The following TRPC1 variants were observed in gnomAD, a reference collection of about 807,000 sequenced individuals.
TRPC1 encodes the protein short transient receptor potential channel 1.
A neutral mutation model predicts 88.2 loss-of-function variants in TRPC1; 42 were observed. That is an observed-to-expected ratio of 0.48 (90% CI 0.37 to 0.62). The LOEUF is 0.62. Among genes scored for constraint, TRPC1 ranks in the 20% least tolerant of loss-of-function variants. The pLI is 0.00. For synonymous variants in TRPC1, 288 were observed against 331.8 expected (o/e 0.87, Z 1.43); for missense variants, 699 against 957.3 (o/e 0.73, Z 3.56).
At chr3:142,788,780 A>C (rs564152707) in intron 7 of TRPC1, among the ~76,000 whole-genome samples, 1 of 152,068 alleles carries the variant, frequency 6.6e-6, no homozygotes, top group Admixed American at 6.6e-5. Flanking sequence ...AAAATATAGA[A>C]TGTTGGTTAT....
chr3:142,781,272 T>C (rs561753067), intron 6 of TRPC1, among the ~76,000 whole-genome samples: 9 of 152,278 alleles, frequency 5.9e-5, no homozygotes, highest in African/African-American at 2.2e-4. Context: ...AAATGGTAGT[T>C]TTTATTATTT....
intron 9 of TRPC1, among the ~76,000 whole-genome samples, chr3:142,799,584 T>C (rs1192232618): frequency 1.3e-5 from 2 of 152,008 alleles, no homozygotes; most frequent in Admixed American, 6.6e-5. Context: ...GGCGGGAGGA[T>C]AGCTTGAGGC....
rs1175917706 is a variant in TRPC1, at chr3:142,724,982, G to C, written c.172+251G>C. On this transcript the variant is annotated intron_variant, in intron 1 of 12. Coordinates refer to ENST00000476941, the MANE Select transcript of TRPC1 (RefSeq NM_001251845.2). The surrounding 1 kb of genome is among the most constrained non-coding windows in gnomAD (Gnocchi z 5.6). ...GGGGGTGGCTCTGGCCTTGGGGTCC[G>C]GGGTTTAGGTAGCGCCTTGGGAGCC... 4.6e-5 allele frequency among the ~76,000 whole-genome samples: 7 copies of C among 152,294 alleles called. No homozygotes were observed. Among genetic ancestry groups the C allele is most frequent in the African/African-American group, 1.7e-4 (7 of 41,564 alleles).
At chr3:142,794,452 G>GA (rs893705264) in intron 9 of TRPC1, among the ~76,000 whole-genome samples, 2 of 151,814 alleles carry the variant, frequency 1.3e-5, no homozygotes, top group East Asian at 3.9e-4. Context: ...AATCAAAAAG[G>GA]AAAAAAGAAC....
chr3:142,752,947 C>G (rs1934828327), intron 4 of TRPC1, among the ~76,000 whole-genome samples: 1 of 152,162 alleles, frequency 6.6e-6, no homozygotes, highest in Non-Finnish European at 1.5e-5. Flanking sequence ...TGGGGCAAAG[C>G]TACAAATTAA....
At chr3:142,725,174 A>G (rs1577932615) in intron 1 of TRPC1, among the ~76,000 whole-genome samples, 1 of 152,178 alleles carries the variant, frequency 6.6e-6, no homozygotes, top group East Asian at 1.9e-4. Flanking sequence ...GAGGGTTCTC[A>G]TCACCTGGTT....
intron 2 of TRPC1, among the ~76,000 whole-genome samples, chr3:142,739,800 G>A (rs942013585): frequency 6.6e-6 from 1 of 152,164 alleles, no homozygotes; most frequent in Admixed American, 6.5e-5. Flanking sequence ...ATCTACATAT[G>A]AAGAGGTTGA....
chr3:142,773,277 A>G (rs1305528454), intron 4 of TRPC1, among the ~76,000 whole-genome samples: 1 of 151,980 alleles, frequency 6.6e-6, no homozygotes, highest in Non-Finnish European at 1.5e-5. Context: ...CAGTAGCGCA[A>G]TCTCAGCTCA....
intron 12 of TRPC1, among the ~76,000 whole-genome samples, chr3:142,804,904 G>C (rs1936741189): frequency 6.6e-6 from 1 of 152,070 alleles, no homozygotes; most frequent in Non-Finnish European, 1.5e-5. Flanking sequence ...GAGGTCAGGA[G>C]TTTGAGACCA....
intron 3 of TRPC1, among the ~76,000 whole-genome samples, chr3:142,746,546 A>T (rs941927978): frequency 1.1e-4 from 17 of 152,206 alleles, no homozygotes; most frequent in African/African-American, 4.1e-4. Context: ...AATTAGTCAT[A>T]AAAGAGGAGG....
At chr3:142,749,563 G>C (rs7635768) in intron 4 of TRPC1, among the ~76,000 whole-genome samples, 32,144 of 151,964 alleles carry the variant, frequency 0.21, 3,467 homozygotes, top group East Asian at 0.33. Context: ...TTAAACTAAT[G>C]TGTATGTTTG....
intron 3 of TRPC1, among the ~76,000 whole-genome samples, chr3:142,745,187 C>G (rs1022243630): frequency 3.3e-5 from 5 of 152,014 alleles, no homozygotes; most frequent in African/African-American, 4.8e-5. Context: ...TCTAAAATAC[C>G]ATTCAATTTT....
chr3:142,780,725 G>GT, intron 5 of TRPC1, 109 bp from the exon 6 acceptor site: 2 of 1,136,422 alleles, frequency 1.8e-6, no homozygotes, highest in African/African-American at 1.6e-5. Flanking sequence ...CAGATTTTGT[G>GT]TAACACTGTC....
intron 4 of TRPC1, among the ~76,000 whole-genome samples, chr3:142,755,284 G>A (rs921394893): frequency 6.6e-6 from 1 of 152,154 alleles, no homozygotes; most frequent in Non-Finnish European, 1.5e-5. Context: ...TATTAGCCGG[G>A]TGTGGTGGCA....
intron 7 of TRPC1, 137 bp from the exon 8 acceptor site, chr3:142,790,882 A>T (rs1250794429): frequency 7.2e-6 from 5 of 692,710 alleles, no homozygotes; most frequent in African/African-American, 2.3e-5. Flanking sequence ...TTTCACTAAA[A>T]TGTTTTTGGT....
At chr3:142,749,569 G>A (rs1934679247) in intron 4 of TRPC1, among the ~76,000 whole-genome samples, 1 of 152,042 alleles carries the variant, frequency 6.6e-6, no homozygotes, top group Admixed American at 6.6e-5. Flanking sequence ...TAATGTGTAT[G>A]TTTGTGTCTT....
intron 9 of TRPC1, among the ~76,000 whole-genome samples, chr3:142,797,613 G>A (rs941900597): frequency 1.3e-5 from 2 of 152,102 alleles, no homozygotes; most frequent in South Asian, 4.1e-4. Flanking sequence ...CTTGGGTTCT[G>A]ACAGGTTGGT....
intron 10 of TRPC1, among the ~76,000 whole-genome samples, chr3:142,802,797 CTAATG>C (rs542375282): frequency 4.3e-4 from 65 of 152,116 alleles, no homozygotes; most frequent in African/African-American, 1.5e-3. Flanking sequence ...ATTTTTTTCT[CTAATG>C]TATCATAAGG....
At chr3:142,758,500 TG>T (rs1935061685) in intron 4 of TRPC1, among the ~76,000 whole-genome samples, 2 of 152,226 alleles carry the variant, frequency 1.3e-5, no homozygotes, top group Admixed American at 1.3e-4. Context: ...TTTGGTTTTT[TG>T]CTTTTGAGTT....
Sources: allele counts gnomAD v4.1 joint callset (sites outside exome capture counted in the v4.1 genomes callset), GRCh38; gene constraint gnomAD v4.1.1; non-coding constraint Gnocchi (gnomAD v3.1); transcripts MANE v1.5; gene names NCBI Gene and HGNC (gene_info 2026-07-23, HGNC 2026-07-21).